GSE1: variants seen among roughly 807,000 people sequenced by gnomAD.
GSE1 encodes the protein genetic suppressor element 1.
GSE1 carries 32 observed loss-of-function variants against 112.6 expected under a neutral mutation model. The ratio of observed to expected loss-of-function variants is 0.28; its 90% CI spans 0.21 to 0.38. The LOEUF (loss-of-function observed/expected upper bound fraction) is 0.38, where lower values mean the gene tolerates loss of function less well. Ranked by LOEUF, GSE1 falls within the 10% of genes least tolerant of loss-of-function variation. The probability of loss-of-function intolerance (pLI) is 1.00; values close to 1 mark genes in which losing one functional copy is unlikely to be tolerated. For missense variants in GSE1, 2,348 were observed against 1,699.2 expected, an observed-to-expected ratio of 1.38 and a Z score of -6.71; for synonymous variants, 1,115 against 735.6, an observed-to-expected ratio of 1.52 and a Z score of -8.35.
intron 2 of GSE1, among the ~76,000 whole-genome samples, chr16:85,398,688 A>G (rs540018710): frequency 1.3e-5 from 2 of 152,212 alleles, no homozygotes; most frequent in Admixed American, 1.3e-4. Context: ...CTCATTTCAG[A>G]TGCTACAACT....
intron 1 of GSE1, among the ~76,000 whole-genome samples, chr16:85,308,313 C>T (rs970927285): frequency 2.0e-5 from 3 of 152,100 alleles, no homozygotes; most frequent in Non-Finnish European, 4.4e-5. Flanking sequence ...GTCCAGCCTC[C>T]GGGAGGACGC....
At chr16:85,589,333 A>T (rs2046860758) in intron 1 of GSE1, among the ~76,000 whole-genome samples, 1 of 149,508 alleles carries the variant, frequency 6.7e-6, no homozygotes. Context: ...ACAGGTGGAG[A>T]GGGAGAGGGC....
At chr16:85,338,150 C>CGGCAG (rs1049858302) in intron 1 of GSE1, among the ~76,000 whole-genome samples, 1 of 152,232 alleles carries the variant, frequency 6.6e-6, no homozygotes, top group Non-Finnish European at 1.5e-5. Flanking sequence ...GGGCTGCCCA[C>CGGCAG]GGCAGGGCAG....
At position 85,478,193 on chromosome 16, in the gene GSE1, G is replaced by A. The variant is rs562163302; in HGVS notation, c.2464+120550G>A. On this transcript the variant is annotated intron_variant, in intron 2 of 2. Coordinates refer to the GSE1 transcript ENST00000637419. ...CTTCACGGTTCGTCCGTGCAGCAGC[G>A]TGCGTCAGTACTTCCTACCTTCCTA... 3.9e-5 allele frequency among the ~76,000 whole-genome samples: 6 copies of A among 152,230 alleles called. No homozygotes were observed. The South Asian group carries it at 6.2e-4, about 16-fold the overall frequency.
chr16:85,212,983 C>G (rs1241865073), intron 1 of GSE1, among the ~76,000 whole-genome samples: 2 of 152,042 alleles, frequency 1.3e-5, no homozygotes, highest in African/African-American at 2.4e-5. Flanking sequence ...TAAAAGTTAG[C>G]CAGGCTGCCG....
At chr16:85,497,984 C>T (rs995997488) in intron 2 of GSE1, among the ~76,000 whole-genome samples, 4 of 151,710 alleles carry the variant, frequency 2.6e-5, no homozygotes, top group East Asian at 3.9e-4. Context: ...GAGCGGGCGA[C>T]GAGGGACCCC....
chr16:85,202,265 C>T (rs995039813), intron 1 of GSE1, among the ~76,000 whole-genome samples: 5 of 152,360 alleles, frequency 3.3e-5, no homozygotes, highest in African/African-American at 1.2e-4. Context: ...AATCCGGCAG[C>T]TTCCGAGGAA....
At chr16:85,471,266 T>C (rs1040217452) in intron 2 of GSE1, among the ~76,000 whole-genome samples, 1 of 152,208 alleles carries the variant, frequency 6.6e-6, no homozygotes, top group Non-Finnish European at 1.5e-5. Context: ...TGTAGGGATC[T>C]GCCAGTCCCA....
At chr16:85,555,675 GCC>G, upstream of GSE1, 2 of 344,224 alleles carry the variant, frequency 5.8e-6, no homozygotes, top group Non-Finnish European at 6.9e-6. Context: ...CCCTCCCGCC[GCC>G]CCCCCCTTCC....
chr16:85,358,370 C>T (rs1163151441), intron 2 of GSE1, among the ~76,000 whole-genome samples: 1 of 152,150 alleles, frequency 6.6e-6, no homozygotes, highest in Non-Finnish European at 1.5e-5. Flanking sequence ...TGAAGCCACC[C>T]CTTAGGCCAT....
chr16:85,643,337 C>T (rs1036667740), intron 2 of GSE1, among the ~76,000 whole-genome samples: 1 of 152,132 alleles, frequency 6.6e-6, no homozygotes, highest in Non-Finnish European at 1.5e-5. Context: ...GTGCCAGCCT[C>T]GCTAATGGGC....
intron 2 of GSE1, among the ~76,000 whole-genome samples, chr16:85,513,528 C>G (rs747920152): frequency 6.6e-6 from 1 of 152,178 alleles, no homozygotes; most frequent in Non-Finnish European, 1.5e-5. Context: ...TTCTCTTCCC[C>G]CTCTGCTGCT....
At chr16:85,359,176 C>G (rs1194689475) in intron 2 of GSE1, among the ~76,000 whole-genome samples, 12 of 152,206 alleles carry the variant, frequency 7.9e-5, no homozygotes, top group Non-Finnish European at 1.5e-4. Context: ...CAGGACATCC[C>G]CAGGGGAGGC....
intron 2 of GSE1, among the ~76,000 whole-genome samples, chr16:85,400,334 T>C (rs941502781): frequency 2.0e-5 from 3 of 151,868 alleles, no homozygotes; most frequent in Non-Finnish European, 4.4e-5. Context: ...ATTATATGTC[T>C]GTGTGTGTCG....
chr16:85,331,349 G>GTATATATATATATA (rs1424445543), intron 1 of GSE1, among the ~76,000 whole-genome samples: 1 of 67,348 alleles, frequency 1.5e-5, no homozygotes, highest in African/African-American at 5.0e-5. Context: ...GTGTGTGTGT[G>GTATATATATATATA]TGTGTGTGTG....
intron 1 of GSE1, chr16:85,306,201 C>T (rs958125140): frequency 1.3e-5 from 2 of 154,218 alleles, no homozygotes; most frequent in Admixed American, 6.5e-5. Flanking sequence ...GTATTGGTCT[C>T]CAGTTTCCCT....
At chr16:85,492,089 C>T (rs151132786) in intron 2 of GSE1, among the ~76,000 whole-genome samples, 2 of 152,338 alleles carry the variant, frequency 1.3e-5, no homozygotes, top group African/African-American at 2.4e-5. Context: ...TGGACACGCC[C>T]GCCCCTCCGA....
At chr16:85,223,258 C>T (rs910910878) in intron 1 of GSE1, among the ~76,000 whole-genome samples, 3 of 152,178 alleles carry the variant, frequency 2.0e-5, no homozygotes, top group African/African-American at 7.2e-5. Flanking sequence ...CACGTTGGCT[C>T]ACGCCTGTAA....
exon 1 of GSE1, chr16:85,556,267 T>C (rs1313786888): frequency 1.8e-5 from 18 of 983,606 alleles, no homozygotes; most frequent in Non-Finnish European, 2.1e-5. Flanking sequence ...CATTCCTGGG[T>C]TTTAATATTA....
Sources: gnomAD v4.1 joint callset for allele counts (sites outside exome capture counted in the v4.1 genomes callset) on GRCh38, gnomAD v4.1.1 for gene constraint, MANE v1.5 for transcripts, NCBI Gene and HGNC (gene_info 2026-07-23, HGNC 2026-07-21) for gene names.